Variants in CAMTA1 observed in about 807,000 individuals in gnomAD.
CAMTA1 encodes the protein calmodulin binding transcription activator 1, also known as calmodulin-binding transcription activator 1.
A neutral mutation model predicts 170.9 loss-of-function variants in CAMTA1; 27 were observed. The observed-to-expected ratio is 0.16, with a 90% confidence interval of 0.12 to 0.22. The LOEUF is 0.22. Ranked by LOEUF, CAMTA1 falls within the 10% of genes least tolerant of loss-of-function variation. The probability of loss-of-function intolerance (pLI) is 1.00; values close to 1 mark genes in which losing one functional copy is unlikely to be tolerated. For missense variants in CAMTA1, 1,619 were observed against 2,217.2 expected, an observed-to-expected ratio of 0.73 and a Z score of 5.42; for synonymous variants, 833 against 891.5, an observed-to-expected ratio of 0.93 and a Z score of 1.17.
intron 6 of CAMTA1, among the ~76,000 whole-genome samples, chr1:7,531,713 A>C (rs1450613328): frequency 6.6e-6 from 1 of 152,342 alleles, no homozygotes; most frequent in Non-Finnish European, 1.5e-5. Context: ...AAAGTCTTGA[A>C]GTTGAGCTGC....
intron 7 of CAMTA1, among the ~76,000 whole-genome samples, chr1:7,650,615 C>T (rs1227878669): frequency 1.3e-5 from 2 of 152,180 alleles, no homozygotes; most frequent in Admixed American, 1.3e-4. Context: ...CAACAGCGAG[C>T]ACCAGAAATG....
chr1:7,439,400 G>C (rs754491936), intron 5 of CAMTA1, among the ~76,000 whole-genome samples: 1 of 152,150 alleles, frequency 6.6e-6, no homozygotes, highest in Non-Finnish European at 1.5e-5. Context: ...GCACCACCCA[G>C]GTCAGGCCGA....
At chr1:7,708,980 C>T (rs1350174100) in intron 11 of CAMTA1, among the ~76,000 whole-genome samples, 1 of 152,038 alleles carries the variant, frequency 6.6e-6, no homozygotes, top group Non-Finnish European at 1.5e-5. Context: ...TGACTTTCAC[C>T]ACCCCATACA....
chr1:7,330,939 G>A (rs941504993), intron 5 of CAMTA1, among the ~76,000 whole-genome samples: 1 of 152,142 alleles, frequency 6.6e-6, no homozygotes, highest in African/African-American at 2.4e-5. Context: ...GGCTGGGGCT[G>A]TGTTTGGTTC....
rs1014881266 is a variant in CAMTA1 at position 7,491,947 on chromosome 1, C to T, written c.510+24046C>T. On this transcript the variant is annotated intron_variant, in intron 6 of 22. Transcript: ENST00000303635. ...GCCGAATCTGTGTCCACAGCTCTGG[C>T]CAGCTCACCCTGGAAGTCTTGATTG... Among the ~76,000 whole-genome samples the T allele has an allele frequency of 5.9e-5, 9 of 152,260 alleles. 1 individual carries two copies. The highest frequency in any genetic ancestry group is 3.4e-3 in the Middle Eastern group (1 of 294).
At position 7,316,127 on chromosome 1, in the gene CAMTA1, G is replaced by A. The variant is rs1012964510; in HGVS notation, c.438+66501G>A. 4.6e-5 allele frequency among the ~76,000 whole-genome samples: 7 copies of A among 152,106 alleles called. No individual in the cohort carries two copies. In the East Asian group the frequency reaches 9.6e-4, roughly 21 times the overall value. On this transcript the variant is annotated intron_variant, in intron 5 of 22. Transcript: ENST00000303635. ...TCACTCACTATCCTGAGAACAGCAC[G>A]GGGGAAACAACCTGCGGTGATCCAA...
At position 6,873,560 on chromosome 1, in the gene CAMTA1, C is replaced by T. The variant is rs59913165; in HGVS notation, c.234+48350C>T. On this transcript the variant is annotated intron_variant, in intron 3 of 22. Transcript: ENST00000303635. ...TGTTGGAATCGGCTCCCCTGGGGCT[C>T]CCATCTGCCTTTGAGGTAGACAGTA... is the stretch of plus-strand genomic sequence containing the variant. Among the ~76,000 whole-genome samples the T allele has an allele frequency of 3.5e-4, 53 of 152,256 alleles. No individual in the cohort carries two copies. In the East Asian group the frequency reaches 9.6e-3, roughly 28 times the overall value.
intron 6 of CAMTA1, among the ~76,000 whole-genome samples, chr1:7,618,544 G>C (rs906450611): frequency 3.3e-5 from 5 of 152,226 alleles, no homozygotes; most frequent in Non-Finnish European, 2.9e-5. Flanking sequence ...CAAGGCTTTG[G>C]CTGGAAATTT....
chr1:7,504,301 C>T (rs373369320), intron 6 of CAMTA1, among the ~76,000 whole-genome samples: 80 of 152,354 alleles, frequency 5.3e-4, no homozygotes, highest in African/African-American at 1.8e-3. Flanking sequence ...AGTCTCATGG[C>T]CCCGTGGAAC....
intron 11 of CAMTA1, among the ~76,000 whole-genome samples, chr1:7,728,665 G>A (rs565519311): frequency 1.1e-4 from 17 of 152,350 alleles, no homozygotes; most frequent in African/African-American, 3.6e-4. Context: ...AGCAGCATCA[G>A]GAATAAGCAG....
intron 3 of CAMTA1, 85 bp from the exon 4 acceptor site, chr1:7,091,219 G>T: frequency 1.1e-6 from 1 of 892,092 alleles, no homozygotes; most frequent in South Asian, 1.4e-5. Context: ...GAAAACAGCA[G>T]CTGGGAAACA....
At position 7,309,246 on chromosome 1, in the gene CAMTA1, C is replaced by T. The variant is rs1676058089; in HGVS notation, c.438+59620C>T. The stretch of plus-strand genomic sequence containing the variant: ...CGTTGGGTCATGGTTCTTTGCTATT[C>T]ATTCTGACAATCTCTGTCTTTTCAT... On this transcript the variant is annotated intron_variant, in intron 5 of 22. Coordinates refer to ENST00000303635, the MANE Select transcript of CAMTA1 (RefSeq NM_015215.4). Among the ~76,000 whole-genome samples, 3 of 142,250 alleles carry T rather than the reference C, an allele frequency of 2.1e-5. No individual in the cohort carries two copies. The South Asian group carries it at 6.9e-4, about 33-fold the overall frequency. 93.3% of individuals were successfully genotyped at this position (142,250 alleles called of 152,430 possible).
intron 6 of CAMTA1, among the ~76,000 whole-genome samples, chr1:7,516,820 T>C (rs564293042): frequency 3.3e-5 from 5 of 152,312 alleles, no homozygotes; most frequent in African/African-American, 1.2e-4. Context: ...AAGGAAGCCC[T>C]GTCTGCCAGC....
chr1:7,355,623 G>A (rs143858209), intron 5 of CAMTA1, among the ~76,000 whole-genome samples: 283 of 152,258 alleles, frequency 1.9e-3, no homozygotes, highest in Middle Eastern at 6.8e-3. Context: ...TCCACTCAGC[G>A]GCCAGGGCCA....
At chr1:7,712,968 C>A (rs2096582449) in intron 11 of CAMTA1, among the ~76,000 whole-genome samples, 2 of 152,148 alleles carry the variant, frequency 1.3e-5, no homozygotes, top group Admixed American at 1.3e-4. Flanking sequence ...CCTCATGATT[C>A]AGTTACCTCC....
chr1:7,303,909 A>G (rs1028248541), intron 5 of CAMTA1, among the ~76,000 whole-genome samples: 5 of 152,226 alleles, frequency 3.3e-5, no homozygotes, highest in Non-Finnish European at 7.3e-5. Flanking sequence ...ATCACAGAAC[A>G]ACCTGGACAA....
intron 3 of CAMTA1, among the ~76,000 whole-genome samples, chr1:6,986,838 A>G (rs2100325726): frequency 6.6e-6 from 1 of 152,196 alleles, no homozygotes; most frequent in South Asian, 2.1e-4. Flanking sequence ...TTTCCAGCCC[A>G]TCCTTCCTGA....
chr1:7,676,617 G>A (rs1396636936), intron 10 of CAMTA1, among the ~76,000 whole-genome samples: 3 of 152,202 alleles, frequency 2.0e-5, no homozygotes, highest in South Asian at 4.1e-4. Context: ...TGATCCCCAC[G>A]CATGTCCTCC....
intron 5 of CAMTA1, among the ~76,000 whole-genome samples, chr1:7,338,847 G>T (rs1259991762): frequency 6.6e-6 from 1 of 152,214 alleles, no homozygotes; most frequent in Non-Finnish European, 1.5e-5. Context: ...CTGAAACTGG[G>T]TAATCTATAA....
Sources: allele counts gnomAD v4.1 joint callset (sites outside exome capture counted in the v4.1 genomes callset), GRCh38; gene constraint gnomAD v4.1.1; transcripts MANE v1.5; gene names NCBI Gene and HGNC (gene_info 2026-07-23, HGNC 2026-07-21).